SLC6A13: variants seen among roughly 807,000 people sequenced by gnomAD.
SLC6A13 encodes solute carrier family 6 member 13.
A neutral mutation model predicts 72.9 loss-of-function variants in SLC6A13; 69 were observed. That is an observed-to-expected ratio of 0.95 (90% CI 0.78 to 1.16). SLC6A13 has a LOEUF of 1.16. SLC6A13 is among the 50% of genes most tolerant of loss of function. SLC6A13 has a pLI of 0.00. For synonymous variants in SLC6A13, 303 were observed against 303.0 expected, an observed-to-expected ratio of 1.00 and a Z score of 0.00; for missense variants, 735 against 760.5, an observed-to-expected ratio of 0.97 and a Z score of 0.39.
intron 2 of SLC6A13, among the ~76,000 whole-genome samples, chr12:251,989 G>C (rs1438261728): frequency 6.6e-6 from 1 of 151,654 alleles, no homozygotes; most frequent in East Asian, 1.9e-4. Context: ...AAAAAGAAAA[G>C]GAAAATTACA....
chr12:231,159 C>T (rs1038354036), intron 7 of SLC6A13, among the ~76,000 whole-genome samples: 8 of 152,186 alleles, frequency 5.3e-5, no homozygotes, highest in Non-Finnish European at 1.0e-4. Context: ...GTAAAGCACA[C>T]GCTCCAGCAG....
At chr12:222,724 A>C in intron 12 of SLC6A13, 92 bp from the exon 13 acceptor site, 1 of 730,510 alleles carries the variant, frequency 1.4e-6, no homozygotes, top group Non-Finnish European at 2.3e-6. Context: ...CAGAATGGGC[A>C]GGGACCCATA....
intron 4 of SLC6A13, among the ~76,000 whole-genome samples, chr12:239,834 A>G (rs1942101310): frequency 6.6e-6 from 1 of 152,202 alleles, no homozygotes; most frequent in Non-Finnish European, 1.5e-5. Flanking sequence ...GTGCACCCAG[A>G]AAAGCATTAT....
Position 225,177 on chromosome 12 carries a change from A to G in SLC6A13, c.1061-664T>C, listed in dbSNP as rs565764774. ...CACGTAATAAAGCCTGAGTCCACCC[A>G]TGGGAAGTTCCTCTGAAGAGTGAAG... On this transcript the variant is annotated intron_variant, in intron 9 of 14. Transcript: ENST00000343164. 2.0e-4 allele frequency among the ~76,000 whole-genome samples: 30 copies of G among 152,340 alleles called. 1 individual carries two copies. Among genetic ancestry groups the G allele is most frequent in the African/African-American group, 6.5e-4 (27 of 41,580 alleles).
intron 6 of SLC6A13, among the ~76,000 whole-genome samples, chr12:236,035 T>C (rs7969059): frequency 0.078 from 11,926 of 152,236 alleles, 551 homozygotes; most frequent in Middle Eastern, 0.099. Context: ...TTATTTAAGA[T>C]GTTTATCAAG....
intron 9 of SLC6A13, among the ~76,000 whole-genome samples, chr12:225,614 C>T (rs998173289): frequency 1.3e-5 from 2 of 151,296 alleles, no homozygotes; most frequent in East Asian, 1.9e-4. Flanking sequence ...CATGTCACTG[C>T]ACTCCAGCCT....
intron 7 of SLC6A13, among the ~76,000 whole-genome samples, chr12:234,384 T>C (rs1941839578): frequency 6.6e-6 from 1 of 152,316 alleles, no homozygotes; most frequent in Admixed American, 6.5e-5. Context: ...CCGCCCCTTA[T>C]TTAGCATATA....
chr12:240,371 T>C (rs983139375), intron 4 of SLC6A13, among the ~76,000 whole-genome samples: 4 of 152,012 alleles, frequency 2.6e-5, no homozygotes, highest in African/African-American at 9.7e-5. Context: ...CCCTGGCAAA[T>C]TTTTTGTATT....
chr12:242,874 C>T (rs1169503791), intron 3 of SLC6A13, 120 bp from the exon 4 acceptor site: 1 of 775,064 alleles, frequency 1.3e-6, no homozygotes, highest in Non-Finnish European at 1.9e-6. Context: ...TTCAATTTAC[C>T]ATTGAGGGAA....
chr12:254,688 T>C lies in SLC6A13; in HGVS notation c.202+5163A>G, dbSNP rs1942677946. Among the ~76,000 whole-genome samples the C allele has an allele frequency of 6.6e-6, 1 of 152,228 alleles. No individual in the cohort carries two copies. Among genetic ancestry groups the C allele is most frequent in the South Asian group, 2.1e-4 (1 of 4,830 alleles). The stretch of plus-strand genomic sequence containing the variant: ...TAAAGGTCCTTACTTTCTTTTCTTA[T>C]ACCATCAAAATGCTAATGATCCCCA... On this transcript the variant is annotated intron_variant, in intron 2 of 14. Transcript: ENST00000343164. The surrounding 1 kb of genome is among the most constrained non-coding windows in gnomAD (Gnocchi z 4.4).
At chr12:244,477 C>T (rs747813914) in intron 2 of SLC6A13, among the ~76,000 whole-genome samples, 14 of 152,058 alleles carry the variant, frequency 9.2e-5, no homozygotes, top group Admixed American at 4.6e-4. Context: ...TCGCTTGAGC[C>T]CAGGACTTCA....
rs561880184 is a variant in SLC6A13, at chr12:237,007, C to T, written c.696+151G>A. The T allele has an allele frequency of 9.7e-4, 789 of 815,470 alleles. 4 individuals are homozygous for T. The highest frequency in any genetic ancestry group is 6.5e-3 in the Middle Eastern group (17 of 2,618). 50.5% of individuals were successfully genotyped at this position (815,470 alleles called of 1,614,324 possible). A position where few individuals can be genotyped will look rare whatever the true frequency, so the allele number is the denominator to read the frequency against. ...CAGAAGTATGTGAGTCTAGGAGAGG[C>T]GGAGAATCAAGGAAGGGAGCCACAT... is the stretch of plus-strand genomic sequence containing the variant. On this transcript the variant is annotated intron_variant, in intron 6 of 14. Transcript: ENST00000343164.
At chr12:222,100 C>T (rs945087686) in intron 13 of SLC6A13, among the ~76,000 whole-genome samples, 2 of 152,198 alleles carry the variant, frequency 1.3e-5, no homozygotes, top group African/African-American at 4.8e-5. Flanking sequence ...TCTGTAACAC[C>T]AGTGTAACAA....
At chr12:260,097 C>A in intron 1 of SLC6A13, 40 bp from the exon 2 acceptor site, 1 of 1,587,140 alleles carries the variant, frequency 6.3e-7, no homozygotes, top group Non-Finnish European at 8.6e-7. Flanking sequence ...GTTGGGAACC[C>A]CAGAAGGAAA....
rs1942195870 is a variant in SLC6A13 at position 242,315 on chromosome 12, T to G, written c.478+299A>C. On this transcript the variant is annotated intron_variant, in intron 4 of 14. Coordinates refer to ENST00000343164, the MANE Select transcript of SLC6A13 (RefSeq NM_016615.5). The stretch of plus-strand genomic sequence containing the variant: ...AGAGAAGATACGCGAAACAAATGAA[T>G]GAACAAAACATATATCCATATATCA... Among the ~76,000 whole-genome samples, 5 of 152,190 alleles carry G rather than the reference T, an allele frequency of 3.3e-5. No homozygotes were observed. In the South Asian group the frequency reaches 1.0e-3, roughly 31 times the overall value.
chr12:261,394 C>T (rs1942921745), intron 1 of SLC6A13, among the ~76,000 whole-genome samples: 1 of 152,216 alleles, frequency 6.6e-6, no homozygotes, highest in Non-Finnish European at 1.5e-5. Context: ...ACCCACTCTG[C>T]CCCTGCTCTT....
chr12:222,713 C>G (rs537099426), intron 12 of SLC6A13, 81 bp from the exon 13 acceptor site: 3 of 808,758 alleles, frequency 3.7e-6, no homozygotes, highest in Non-Finnish European at 6.1e-6. Flanking sequence ...CACAAACAGA[C>G]CAGAATGGGC....
rs772795576 is a variant in SLC6A13, at chr12:227,656, C to T, written c.844G>A (p.Ala282Thr). ...RLWDPQVWMD[A>T]GTQIFFSFAI... The stretch of plus-strand genomic sequence containing the variant: ...AAGGAGAAGAATATCTGGGTGCCTG[C>T]ATCCATCCACACCTACAAAGGGGAA... The change falls in exon 8 of 15, where the codon GCA becomes ACA. Residue 282 changes from alanine (A) to threonine (T), a missense_variant. Coordinates refer to ENST00000343164, the MANE Select transcript of SLC6A13 (RefSeq NM_016615.5). 1.2e-6 allele frequency: 2 copies of T among 1,608,304 alleles called. No individual in the cohort carries two copies. Among genetic ancestry groups the T allele is most frequent in the African/African-American group, 2.7e-5 (2 of 74,820 alleles).
At chr12:229,679 G>T (rs1565492378) in intron 7 of SLC6A13, among the ~76,000 whole-genome samples, 2 of 152,202 alleles carry the variant, frequency 1.3e-5, no homozygotes, top group African/African-American at 4.8e-5. Context: ...GTGTGTCCCG[G>T]GAGCCCGGAG....
Sources: gnomAD v4.1 joint callset for allele counts (sites outside exome capture counted in the v4.1 genomes callset) on GRCh38, gnomAD v4.1.1 for gene constraint, Gnocchi (gnomAD v3.1) non-coding constraint, MANE v1.5 for transcripts, NCBI Gene and HGNC (gene_info 2026-07-23, HGNC 2026-07-21) for gene names.